KLHL32: variants seen among roughly 807,000 people sequenced by gnomAD.
KLHL32 encodes kelch like family member 32, also known as kelch-like protein 32.
In KLHL32, 35 loss-of-function variants were observed where a neutral mutation model predicts 64.8. The ratio of observed to expected loss-of-function variants is 0.54; its 90% CI spans 0.41 to 0.72. The LOEUF (loss-of-function observed/expected upper bound fraction) is 0.72, where lower values mean the gene tolerates loss of function less well. Ranked by LOEUF, KLHL32 falls within the 30% of genes least tolerant of loss-of-function variation. The pLI, the probability that KLHL32 is intolerant of heterozygous loss-of-function variation, is 0.00. For missense variants in KLHL32, 589 were observed against 768.5 expected (o/e 0.77, Z 2.76); for synonymous variants, 259 against 281.0 (o/e 0.92, Z 0.78).
chr6:97,097,174 C>A (rs1795100760), intron 6 of KLHL32, among the ~76,000 whole-genome samples: 1 of 152,136 alleles, frequency 6.6e-6, no homozygotes, highest in Non-Finnish European at 1.5e-5. Context: ...AAAGGAGAGG[C>A]ACGACTGTTC....
chr6:97,115,605 CAGA>C (rs1165816111), intron 7 of KLHL32, among the ~76,000 whole-genome samples: 6 of 152,156 alleles, frequency 3.9e-5, no homozygotes, highest in Non-Finnish European at 7.4e-5. Context: ...TTTGCTTATA[CAGA>C]AGGAGTCTGT....
At chr6:97,088,283 T>C (rs929790630) in intron 6 of KLHL32, among the ~76,000 whole-genome samples, 5 of 152,208 alleles carry the variant, frequency 3.3e-5, no homozygotes, top group African/African-American at 1.2e-4. Context: ...AGGTTCCAGA[T>C]GAAAGACACC....
At chr6:97,038,953 G>T (rs1398769679) in intron 3 of KLHL32, among the ~76,000 whole-genome samples, 1 of 151,698 alleles carries the variant, frequency 6.6e-6, no homozygotes, top group Non-Finnish European at 1.5e-5. Flanking sequence ...AGCTGGGTAT[G>T]GTGGCACGTG....
At chr6:96,952,586 C>T (rs1403584552) in intron 1 of KLHL32, among the ~76,000 whole-genome samples, 2 of 152,184 alleles carry the variant, frequency 1.3e-5, no homozygotes, top group African/African-American at 2.4e-5. Context: ...AAAACTGACG[C>T]TTCCTTGTTC....
At chr6:96,946,872 TA>T (rs1399726935) in intron 1 of KLHL32, among the ~76,000 whole-genome samples, 1 of 151,972 alleles carries the variant, frequency 6.6e-6, no homozygotes, top group East Asian at 1.9e-4. Context: ...GAAATGATGG[TA>T]AAAGAAAAAC....
At chr6:97,100,966 CTTTTTTTTTTT>C (rs58422496) in intron 6 of KLHL32, among the ~76,000 whole-genome samples, 1 of 69,472 alleles carries the variant, frequency 1.4e-5, no homozygotes, top group Non-Finnish European at 2.5e-5. Context: ...TGCAGCCAAG[CTTTTTTTTTTT>C]TTTTTTTTTT....
chr6:97,089,507 G>T (rs1407405145), intron 6 of KLHL32, among the ~76,000 whole-genome samples: 2 of 151,820 alleles, frequency 1.3e-5, no homozygotes, highest in South Asian at 4.2e-4. Flanking sequence ...GGGTAGGCGC[G>T]GTGGCTTACG....
At chr6:96,911,394 TC>T in the KLHL32 span, among the ~76,000 whole-genome samples, 8,352 of 152,188 alleles carry the variant, frequency 0.055, 738 homozygotes, top group African/African-American at 0.18. Flanking sequence ...ATTTTCAACT[TC>T]CCCCCATGGT....
chr6:97,126,759 T>G (rs1352784925), intron 7 of KLHL32, among the ~76,000 whole-genome samples: 2 of 152,296 alleles, frequency 1.3e-5, no homozygotes, highest in East Asian at 3.9e-4. Flanking sequence ...ATCTTAATAA[T>G]TTTTATGTTG....
chr6:97,050,728 C>T lies in KLHL32; in HGVS notation c.312+9129C>T, dbSNP rs182539729. Among the ~76,000 whole-genome samples, 34 of 152,280 alleles carry T rather than the reference C, an allele frequency of 2.2e-4. No homozygotes were observed. In the East Asian group the frequency reaches 4.2e-3, roughly 19 times the overall value. On this transcript the variant is annotated intron_variant, in intron 4 of 10. Transcript: ENST00000369261. Reference sequence around the variant, plus strand: ...TAATGAAAACACAATGTGGGCTGGACGCAGTGGCTCATGCCTGTAATCCCA... The same window carrying T: ...TAATGAAAACACAATGTGGGCTGGATGCAGTGGCTCATGCCTGTAATCCCA...
At chr6:97,125,989 A>T (rs1033388961) in intron 7 of KLHL32, among the ~76,000 whole-genome samples, 6 of 152,202 alleles carry the variant, frequency 3.9e-5, no homozygotes, top group Non-Finnish European at 8.8e-5. Flanking sequence ...TAAGTAATCT[A>T]AGAAAAGGGA....
the KLHL32 span, among the ~76,000 whole-genome samples, chr6:96,913,765 G>A: frequency 6.6e-6 from 1 of 152,202 alleles, no homozygotes; most frequent in Admixed American, 6.5e-5. Flanking sequence ...CTTAACATAT[G>A]TGCACCTTAA....
At chr6:97,124,165 G>T (rs1798646996) in intron 7 of KLHL32, among the ~76,000 whole-genome samples, 1 of 152,166 alleles carries the variant, frequency 6.6e-6, no homozygotes, top group Admixed American at 6.6e-5. Flanking sequence ...TTTCAAAGGG[G>T]AAGGCAAGAG....
chr6:97,057,557 C>CCG, intron 4 of KLHL32, among the ~76,000 whole-genome samples: 2 of 146,220 alleles, frequency 1.4e-5, no homozygotes, highest in East Asian at 2.2e-4. Flanking sequence ...ACACCCCCCT[C>CCG]CCGCCCCCAT....
intron 3 of KLHL32, among the ~76,000 whole-genome samples, chr6:97,026,022 C>T (rs989587639): frequency 6.6e-6 from 1 of 151,732 alleles, no homozygotes; most frequent in Non-Finnish European, 1.5e-5. Flanking sequence ...GCTCATTTCA[C>T]CCAAGAGAAA....
chr6:97,058,944 G>A (rs746256219), intron 4 of KLHL32, among the ~76,000 whole-genome samples: 1 of 152,122 alleles, frequency 6.6e-6, no homozygotes, highest in South Asian at 2.1e-4. Context: ...GCATTCTTTT[G>A]GTCCTTAAAA....
At chr6:96,910,386 G>T in the KLHL32 span, among the ~76,000 whole-genome samples, 1 of 152,308 alleles carries the variant, frequency 6.6e-6, no homozygotes, top group South Asian at 2.1e-4. Flanking sequence ...ATGGAGGAAA[G>T]AAGGGCTTGC....
At chr6:97,091,988 T>TG (rs1562327345) in intron 6 of KLHL32, among the ~76,000 whole-genome samples, 1 of 151,852 alleles carries the variant, frequency 6.6e-6, no homozygotes, top group Non-Finnish European at 1.5e-5. Flanking sequence ...TTTCTTTTTT[T>TG]TTTTTTTTTG....
the KLHL32 span, among the ~76,000 whole-genome samples, chr6:96,904,856 T>G: frequency 6.6e-6 from 1 of 152,200 alleles, no homozygotes; most frequent in Admixed American, 6.5e-5. Context: ...TGTAAGGATA[T>G]AATTCTTTCC....
Sources: allele counts gnomAD v4.1 joint callset (sites outside exome capture counted in the v4.1 genomes callset), GRCh38; gene constraint gnomAD v4.1.1; transcripts MANE v1.5; gene names NCBI Gene and HGNC (gene_info 2026-07-23, HGNC 2026-07-21).